Variants in MYH3 observed in about 807,000 individuals in gnomAD.
MYH3 encodes myosin-3.
MYH3 carries 130 observed loss-of-function variants against 238.0 expected under a neutral mutation model. The ratio of observed to expected loss-of-function variants is 0.55; its 90% CI spans 0.47 to 0.63. The LOEUF is 0.63. MYH3 is among the 30% of genes least tolerant of loss of function. MYH3 has a pLI of 0.00. For missense variants in MYH3, 1,853 were observed against 2,374.9 expected, an observed-to-expected ratio of 0.78 and a Z score of 4.57; for synonymous variants, 880 against 924.1, an observed-to-expected ratio of 0.95 and a Z score of 0.86.
In MYH3 at chr17:10,629,749, C is replaced by T; in HGVS notation, c.5659-15G>A. ...GCTTGTTCATCCTAAAACCAAAGAG[C>T]CCAGGCAGGTTATATCAGCACGCGC... On this transcript the variant is annotated splice_polypyrimidine_tract_variant and intron_variant, in intron 39 of 40. Transcript: ENST00000583535. 1.9e-6 allele frequency: 3 copies of T among 1,614,170 alleles called. No homozygotes were observed. Among genetic ancestry groups the T allele is most frequent in the Non-Finnish European group, 2.5e-6 (3 of 1,180,044 alleles).
At chr17:10,629,443 T>C (rs1483452774) in intron 40 of MYH3, among the ~76,000 whole-genome samples, 154 bp downstream of exon 40, 2 of 152,196 alleles carry the variant, frequency 1.3e-5, no homozygotes, top group African/African-American at 4.8e-5. Flanking sequence ...ACCAGGATTC[T>C]AGCGAGGGTC....
chr17:10,643,919 G>A (rs1213812985), intron 14 of MYH3, among the ~76,000 whole-genome samples: 5 of 151,878 alleles, frequency 3.3e-5, no homozygotes, highest in Non-Finnish European at 5.9e-5. Flanking sequence ...CAACACTTTC[G>A]GAGGCCGAGG....
intron 40 of MYH3, 31 bp downstream of exon 40, chr17:10,629,566 G>T (rs537407236): frequency 4.4e-6 from 7 of 1,605,816 alleles, no homozygotes; most frequent in African/African-American, 2.9e-5. Flanking sequence ...ACAGTCCCTG[G>T]GGGGGGGCTC....
intron 12 of MYH3, 87 bp downstream of exon 12, chr17:10,645,620 G>A (rs1016350257): frequency 6.5e-7 from 1 of 1,541,248 alleles, no homozygotes; most frequent in African/African-American, 1.4e-5. Flanking sequence ...ACTGTGCCTG[G>A]CTGGATTAAT....
At chr17:10,652,268 T>C in intron 4 of MYH3, 152 bp downstream of exon 4, 1 of 996,352 alleles carries the variant, frequency 1.0e-6, no homozygotes, top group Non-Finnish European at 1.5e-6. Flanking sequence ...CTTGCTTTCT[T>C]GCCTTCTTTC....
chr17:10,632,126 GTTTTGTTTGT>G lies in MYH3; in HGVS notation c.4957-120_4957-111del, dbSNP rs899388634. 5.2e-6 allele frequency: 7 copies of G among 1,355,230 alleles called. No individual in the cohort carries two copies. In the African/African-American group the frequency reaches 7.3e-5, roughly 14 times the overall value. 84.0% of individuals were successfully genotyped at this position (1,355,230 alleles called of 1,614,324 possible). ...TGTTTGTTTGTTTTTGTTTTGTTTT[GTTTTGTTTGT>G]TTTGAGACAGGGTCTTGTTCTGTCA... On this transcript the variant is annotated intron_variant, in intron 34 of 40. Coordinates refer to ENST00000583535, the MANE Select transcript of MYH3 (RefSeq NM_002470.4).
chr17:10,658,950 AG>A (rs2074461404), upstream of MYH3: 1 of 152,042 alleles, frequency 6.6e-6, no homozygotes, highest in East Asian at 1.9e-4. Context: ...AATATCACCG[AG>A]GGGAGCAGCG....
chr17:10,638,383 C>T lies in MYH3; in HGVS notation c.3389G>A (p.Arg1130His), dbSNP rs184919169. The T allele has an allele frequency of 2.3e-4, 364 of 1,603,346 alleles. 3 individuals are homozygous for T. The East Asian group carries it at 5.6e-3, about 25-fold the overall frequency. Residue 1130 changes from arginine (R) to histidine (H), a missense_variant, in exon 27 of 41, where the codon CGC (arginine) becomes CAC (histidine). Physicochemically the swap from Arg to His is conservative, Grantham distance 29. Coordinates refer to ENST00000583535, the MANE Select transcript of MYH3 (RefSeq NM_002470.4). ...GCTGCGCTGTTTCTCTGTCTTCGCG[C>T]GGGTGGCCCTCTCCGCCTCTATCTC... ...EEEIEAERAT[R>H]AKTEKQRSDY...
rs761234825 is a variant in MYH3, at chr17:10,639,097, C to T, written c.3195G>A (p.Glu1065=). The T allele has an allele frequency of 8.1e-6, 13 of 1,614,066 alleles. No individual in the cohort carries two copies. Among genetic ancestry groups the T allele is most frequent in the Admixed American group, 1.7e-5 (1 of 60,014 alleles). The change falls in exon 25 of 41, where the codon GAG becomes GAA. Residue 1065 remains glutamate (E), a synonymous_variant. Transcript: ENST00000583535. ...TGTCATTCTCCAGATCTAATATGGA[C>T]TCTTGAGCAAGCTTCAAGTCTCCTT... is the stretch of plus-strand genomic sequence containing the variant. ...KLEGDLKLAQ[E]SILDLENDKQ...
intron 14 of MYH3, among the ~76,000 whole-genome samples, chr17:10,643,930 CG>C (rs1567558559): frequency 6.6e-6 from 1 of 152,028 alleles, no homozygotes; most frequent in African/African-American, 2.4e-5. Context: ...GAGGCCGAGG[CG>C]GATGGATCAC....
At chr17:10,650,775 C>T (rs896573348) in intron 5 of MYH3, among the ~76,000 whole-genome samples, 6 of 152,160 alleles carry the variant, frequency 3.9e-5, no homozygotes, top group African/African-American at 1.4e-4. Flanking sequence ...TTATCGGAGT[C>T]ACCATTCTAT....
rs1470029767 is a variant in MYH3 at position 10,654,593 on chromosome 17, T to C, written c.204+268A>G. ...CTTGGGACACGTGGAGCTGGGCCCCTCTGGCCTACAGTGAACGTGGACAAA... is the reference window on the plus strand; with the variant it reads ...CTTGGGACACGTGGAGCTGGGCCCCCCTGGCCTACAGTGAACGTGGACAAA... On this transcript the variant is annotated intron_variant, in intron 3 of 40. Transcript: ENST00000583535. The surrounding 1 kb of genome is among the most constrained non-coding windows in gnomAD (Gnocchi z 4.5). 1.3e-5 allele frequency among the ~76,000 whole-genome samples: 2 copies of C among 152,236 alleles called. No individual in the cohort carries two copies. Among genetic ancestry groups the C allele is most frequent in the African/African-American group, 4.8e-5 (2 of 41,474 alleles).
At chr17:10,677,761 A>C in the MYH3 span, 1 of 152,232 alleles carries the variant, frequency 6.6e-6, no homozygotes, top group Non-Finnish European at 1.5e-5. Context: ...ATTCTATTGA[A>C]GAGTCTAGTG....
intron 4 of MYH3, 47 bp downstream of exon 4, chr17:10,652,373 C>T (rs762977240): frequency 5.0e-6 from 8 of 1,606,426 alleles, no homozygotes; most frequent in Admixed American, 3.3e-5. Context: ...CTCCCCTGCC[C>T]GCATATCTAA....
At chr17:10,632,410 TGCC>T (rs1260220560) in intron 34 of MYH3, 63 bp downstream of exon 34, 1 of 1,555,164 alleles carries the variant, frequency 6.4e-7, no homozygotes, top group African/African-American at 1.3e-5. Context: ...TGCACCACTG[TGCC>T]CAGCCTACAT....
upstream of MYH3, among the ~76,000 whole-genome samples, chr17:10,661,342 AAAG>A (rs367940873): frequency 9.9e-5 from 15 of 151,758 alleles, no homozygotes; most frequent in East Asian, 2.7e-3. Context: ...GAAAAATCTT[AAAG>A]AAGAGAGTCT....
At chr17:10,659,319 C>T (rs547538470), upstream of MYH3, among the ~76,000 whole-genome samples, 8 of 152,298 alleles carry the variant, frequency 5.3e-5, no homozygotes, top group African/African-American at 1.9e-4. Context: ...GATGGCTTCT[C>T]GCCTGGCTTT....
the MYH3 span, among the ~76,000 whole-genome samples, chr17:10,662,464 C>T: frequency 6.6e-6 from 1 of 152,144 alleles, no homozygotes; most frequent in Non-Finnish European, 1.5e-5. Flanking sequence ...TTCTCTGTAG[C>T]TAAGTCTTAT....
Position 10,639,448 on chromosome 17 carries a change from A to G in MYH3, c.2952T>C (p.Ser984=), listed in dbSNP as rs2285474. 1,089,230 of 1,613,580 alleles carry G rather than the reference A, an allele frequency of 0.68. 379,800 individuals carry two copies. The highest frequency in any genetic ancestry group is 0.73 in the Non-Finnish European group (860,711 of 1,179,748). Residue 984 remains serine, a synonymous_variant, in exon 24 of 41, where the codon TCT becomes TCC. Coordinates refer to ENST00000583535, the MANE Select transcript of MYH3 (RefSeq NM_002470.4). ...NKVKNLTEEL[S]GLDETIAKLT... is the part of the protein sequence containing the mutation. ...ACTTTGCAATTGTTTCATCTAACCC[A>G]GAGAGTTCCTCAGTAAGGTTTTTAA...
Sources: allele counts gnomAD v4.1 joint callset (sites outside exome capture counted in the v4.1 genomes callset), GRCh38; gene constraint gnomAD v4.1.1; non-coding constraint Gnocchi (gnomAD v3.1); transcripts MANE v1.5; gene names NCBI Gene and HGNC (gene_info 2026-07-23, HGNC 2026-07-21).